PM20D2: variants seen among roughly 807,000 people sequenced by gnomAD.
The protein encoded by PM20D2 is peptidase M20 domain containing 2, also known as xaa-Arg dipeptidase.
PM20D2 carries 33 observed loss-of-function variants against 42.9 expected under a neutral mutation model. That is an observed-to-expected ratio of 0.77 (90% CI 0.58 to 1.03). The LOEUF (loss-of-function observed/expected upper bound fraction) is 1.03, where lower values mean the gene tolerates loss of function less well. PM20D2 is among the 50% of genes least tolerant of loss of function. The probability of loss-of-function intolerance (pLI) is 0.00; values close to 1 mark genes in which losing one functional copy is unlikely to be tolerated. For synonymous variants in PM20D2, 250 were observed against 228.2 expected, an observed-to-expected ratio of 1.10 and a Z score of -0.86; for missense variants, 548 against 557.0, an observed-to-expected ratio of 0.98 and a Z score of 0.16.
intron 4 of PM20D2, among the ~76,000 whole-genome samples, chr6:89,156,745 C>T (rs1020043301): frequency 6.6e-6 from 1 of 152,090 alleles, no homozygotes; most frequent in Admixed American, 6.5e-5. Flanking sequence ...ATGGGAAAGA[C>T]AGAGACTGAA....
chr6:89,139,461 G>C, the PM20D2 span, among the ~76,000 whole-genome samples: 1 of 152,178 alleles, frequency 6.6e-6, no homozygotes, highest in Non-Finnish European at 1.5e-5. Context: ...CCATTCTCCT[G>C]CCTCAGCCTC....
chr6:89,146,731 T>A (rs9342178), intron 1 of PM20D2, 122 bp downstream of exon 1: 7 of 794,788 alleles, frequency 8.8e-6, no homozygotes, highest in Non-Finnish European at 1.3e-5. Flanking sequence ...CAGGTGTGTG[T>A]GGGACCGCGC....
At chr6:89,133,179 T>C in the PM20D2 span, among the ~76,000 whole-genome samples, 1 of 148,592 alleles carries the variant, frequency 6.7e-6, no homozygotes, top group Non-Finnish European at 1.5e-5. Context: ...CAGTGAGCTA[T>C]CATCATGCCA....
At chr6:89,106,410 G>A in the PM20D2 span, among the ~76,000 whole-genome samples, 1 of 152,130 alleles carries the variant, frequency 6.6e-6, no homozygotes, top group Non-Finnish European at 1.5e-5. Flanking sequence ...ACCGCACCCA[G>A]CCAAACATTT....
At chr6:89,103,269 A>T in the PM20D2 span, among the ~76,000 whole-genome samples, 4 of 152,198 alleles carry the variant, frequency 2.6e-5, no homozygotes, top group Non-Finnish European at 5.9e-5. Flanking sequence ...ATTTAAATCA[A>T]GCAAGAGAAA....
the PM20D2 span, among the ~76,000 whole-genome samples, chr6:89,099,490 A>G: frequency 0.27 from 35,388 of 131,432 alleles, 4,906 homozygotes; most frequent in South Asian, 0.31. Context: ...ATGTGTGTGT[A>G]TATATATATG....
chr6:89,153,262 T>A (rs1207271106), intron 3 of PM20D2, 77 bp downstream of exon 3: 3 of 1,182,854 alleles, frequency 2.5e-6, no homozygotes, highest in African/African-American at 3.2e-5. Context: ...AATATTCAAT[T>A]TTTAAAAATT....
At chr6:89,134,432 C>G in the PM20D2 span, among the ~76,000 whole-genome samples, 1 of 151,168 alleles carries the variant, frequency 6.6e-6, no homozygotes, top group Admixed American at 6.6e-5. Context: ...TCCCACCATC[C>G]TGACTGAACC....
chr6:89,105,429 T>C, the PM20D2 span: 1 of 1,602,200 alleles, frequency 6.2e-7, no homozygotes, highest in Non-Finnish European at 8.5e-7. Flanking sequence ...ACACTTACTT[T>C]TGCGATCACC....
chr6:89,144,220 C>T (rs1770439985), upstream of PM20D2, among the ~76,000 whole-genome samples: 1 of 118,216 alleles, frequency 8.5e-6, no homozygotes, highest in African/African-American at 3.3e-5. Flanking sequence ...ATCTGTCTTT[C>T]CTCTACCTCA....
At chr6:89,108,751 T>C in the PM20D2 span, among the ~76,000 whole-genome samples, 1 of 152,206 alleles carries the variant, frequency 6.6e-6, no homozygotes, top group Non-Finnish European at 1.5e-5. Flanking sequence ...AGAACACTGA[T>C]AAGAGTTCTA....
At chr6:89,144,394 G>A (rs1770450061), upstream of PM20D2, among the ~76,000 whole-genome samples, 3 of 152,200 alleles carry the variant, frequency 2.0e-5, no homozygotes, top group Non-Finnish European at 4.4e-5. Flanking sequence ...TATTCAAAAT[G>A]AGTGTTGTGG....
the PM20D2 span, among the ~76,000 whole-genome samples, chr6:89,124,342 CAT>C: frequency 6.6e-6 from 1 of 152,160 alleles, no homozygotes; most frequent in African/African-American, 2.4e-5. Flanking sequence ...ATCAGTGTAA[CAT>C]ATAAAACTAA....
At chr6:89,098,495 T>C in the PM20D2 span, 2 of 1,470,348 alleles carry the variant, frequency 1.4e-6, no homozygotes, top group Non-Finnish European at 1.8e-6. Context: ...GCATTTTCTG[T>C]ATGCCTTAAA....
At chr6:89,148,849 T>C (rs1270209324) in intron 1 of PM20D2, among the ~76,000 whole-genome samples, 1 of 152,192 alleles carries the variant, frequency 6.6e-6, no homozygotes, top group African/African-American at 2.4e-5. Flanking sequence ...TGAGGATAAG[T>C]AGTAAGTTAA....
the PM20D2 span, among the ~76,000 whole-genome samples, chr6:89,126,067 C>A: frequency 0.019 from 2,936 of 150,654 alleles, 101 homozygotes; most frequent in African/African-American, 0.068. Context: ...GCCGGGGCGA[C>A]AGAGTGAAAC....
intron 5 of PM20D2, among the ~76,000 whole-genome samples, chr6:89,159,247 T>C (rs1354747809): frequency 6.6e-6 from 1 of 152,080 alleles, no homozygotes; most frequent in East Asian, 1.9e-4. Context: ...CCCAAATACA[T>C]AGAGGAAGAA....
chr6:89,135,199 TCTC>T, the PM20D2 span, among the ~76,000 whole-genome samples: 4 of 151,278 alleles, frequency 2.6e-5, no homozygotes, highest in African/African-American at 9.9e-5. Flanking sequence ...ATATACCACT[TCTC>T]CTTTTTTTAC....
At chr6:89,095,240 T>C in the PM20D2 span, among the ~76,000 whole-genome samples, 1 of 152,230 alleles carries the variant, frequency 6.6e-6, no homozygotes, top group Admixed American at 6.5e-5. Context: ...TTTTATTTAT[T>C]TTTGAGACAG....
Sources: gnomAD v4.1 joint callset for allele counts (sites outside exome capture counted in the v4.1 genomes callset) on GRCh38, gnomAD v4.1.1 for gene constraint, MANE v1.5 for transcripts, NCBI Gene and HGNC (gene_info 2026-07-23, HGNC 2026-07-21) for gene names.